Variants in SELENOS observed in about 807,000 individuals in gnomAD.
SELENOS encodes the protein VCP interacting membrane selenoprotein.
Under a neutral mutation model 30.2 loss-of-function variants are expected in SELENOS, and 37 were observed. The ratio of observed to expected loss-of-function variants is 1.23; its 90% CI spans 0.94 to 1.61. The LOEUF (loss-of-function observed/expected upper bound fraction) is 1.61, where lower values mean the gene tolerates loss of function less well. Among genes scored for constraint, SELENOS ranks in the 40% most tolerant of loss-of-function variants. The pLI is 0.00. For missense variants in SELENOS, 289 were observed against 231.8 expected (o/e 1.25, Z -1.60); for synonymous variants, 119 against 91.6 (o/e 1.30, Z -1.71).
intron 2 of SELENOS, among the ~76,000 whole-genome samples, chr15:101,275,971 G>C (rs2039322008): frequency 6.6e-6 from 1 of 150,476 alleles, no homozygotes; most frequent in Admixed American, 6.6e-5. Flanking sequence ...GCCCAGGCTG[G>C]AGTGCAGTGG....
chr15:101,276,215 G>A lies in SELENOS; in HGVS notation c.211+326C>T, dbSNP rs188354287. On this transcript the variant is annotated intron_variant, in intron 2 of 5. Coordinates refer to ENST00000526049, the MANE Select transcript of SELENOS (RefSeq NM_018445.6). The stretch of plus-strand genomic sequence containing the variant: ...TGGGATTACAGGTGTGAGCCACCGC[G>A]CCCCACCGAGAACCATATACTTCCT... Among the ~76,000 whole-genome samples the A allele has an allele frequency of 1.8e-4, 20 of 111,402 alleles. 1 individual carries two copies. In the East Asian group the frequency reaches 4.5e-3, roughly 25 times the overall value. 73.1% of individuals were successfully genotyped at this position (111,402 alleles called of 152,430 possible).
chr15:101,271,809 A>C (rs1308329435), downstream of SELENOS, among the ~76,000 whole-genome samples: 4 of 152,252 alleles, frequency 2.6e-5, no homozygotes, highest in Non-Finnish European at 5.9e-5. Context: ...ATGAGCAGAG[A>C]ATCTTTTTTA....
Position 101,277,401 on chromosome 15 carries a change from T to A in SELENOS, c.17A>T (p.Glu6Val). 2.0e-6 allele frequency: 3 copies of A among 1,491,730 alleles called. No individual in the cohort carries two copies. The highest frequency in any genetic ancestry group is 2.7e-6 in the Non-Finnish European group (3 of 1,128,466). The allele number at this position is 1,491,730 out of a possible 1,614,324, so 92.4% of individuals were successfully genotyped here. ...CAGGGCCGGCCGCGCGGACAGAGAC[T>A]CCTCTTGGCGTTCCATGACCGCCGC... MERQE[E>V]SLSARPALET... is the part of the protein sequence containing the mutation. Residue 6 changes from glutamate (E) to valine (V), a missense_variant, in exon 1 of 6, where the codon GAG becomes GTG. Glu to Val is a moderately radical substitution (Grantham distance 121). Transcript: ENST00000526049.
At chr15:101,273,829 T>C (rs2039295200) in intron 5 of SELENOS, among the ~76,000 whole-genome samples, 1 of 152,236 alleles carries the variant, frequency 6.6e-6, no homozygotes, top group Non-Finnish European at 1.5e-5. Context: ...CTATGGAGGA[T>C]ACAAAATCTT....
At chr15:101,275,527 CA>C (rs5815005) in intron 2 of SELENOS, among the ~76,000 whole-genome samples, 166 bp from the exon 3 acceptor site, 12,062 of 152,160 alleles carry the variant, frequency 0.079, 1,472 homozygotes, top group African/African-American at 0.27. Flanking sequence ...TTTACTGCTT[CA>C]GGGGGCAGGG....
Position 101,274,817 on chromosome 15 carries a change from T to C in SELENOS, c.319-136A>G, listed in dbSNP as rs562748057. The C allele has an allele frequency of 1.3e-3, 1,247 of 928,676 alleles. 4 individuals carry two copies. Among genetic ancestry groups the C allele is most frequent in the Middle Eastern group, 3.4e-3 (11 of 3,196 alleles). The allele number at this position is 928,676 out of a possible 1,614,324, so 57.5% of individuals were successfully genotyped here. A position where few individuals can be genotyped will look rare whatever the true frequency, so the allele number is the denominator to read the frequency against. On this transcript the variant is annotated intron_variant, in intron 3 of 5. Coordinates refer to ENST00000526049, the MANE Select transcript of SELENOS (RefSeq NM_018445.6). ...CCTCGTTTTCTTTAGTTAATAAAAC[T>C]GTTGTGATCTGGTAGTGTGAGTTTA...
At chr15:101,277,047 C>A in intron 1 of SELENOS, 1 of 606,416 alleles carries the variant, frequency 1.6e-6, no homozygotes, top group South Asian at 1.8e-5. Flanking sequence ...TGGGACGGGT[C>A]CCAGAGGCAA....
At chr15:101,273,994 C>CTGCTG (rs2039296578) in intron 5 of SELENOS, among the ~76,000 whole-genome samples, 1 of 152,254 alleles carries the variant, frequency 6.6e-6, no homozygotes, top group Non-Finnish European at 1.5e-5. Context: ...TGAAGACAGA[C>CTGCTG]TGCTGTGGCA....
chr15:101,274,809 A>C, intron 3 of SELENOS, 128 bp from the exon 4 acceptor site: 1 of 1,017,032 alleles, frequency 9.8e-7, no homozygotes, highest in Non-Finnish European at 1.4e-6. Context: ...TTCTTTAGTT[A>C]ATAAAACTGT....
chr15:101,277,177 G>A (rs1346532157), intron 1 of SELENOS, 165 bp downstream of exon 1: 4 of 1,222,350 alleles, frequency 3.3e-6, no homozygotes, highest in Non-Finnish European at 4.6e-6. Context: ...AGAAGCCTCC[G>A]CGCAAGGTCC....
rs754797542 is a variant in SELENOS, at chr15:101,274,617, TA to T, written c.382del (p.Tyr128ThrfsTer22). The T allele has an allele frequency of 1.2e-6, 2 of 1,613,748 alleles. No individual in the cohort carries two copies. Among genetic ancestry groups the T allele is most frequent in the South Asian group, 1.1e-5 (1 of 90,990 alleles). On this transcript the variant is annotated frameshift_variant, in exon 4 of 6. Coordinates refer to ENST00000526049, the MANE Select transcript of SELENOS (RefSeq NM_018445.6). LOFTEE classifies it high-confidence loss of function. ...MWDSMQEGKS[Y>X]KGNAKKPQEE... is the part of the protein sequence containing the mutation. ...CTGGGGCTTCTTTGCATTTCCTTTG[TA>T]ACTTTTTCCTTCTTGCATGCTGTCC...
Position 101,275,095 on chromosome 15 carries a change from A to G in SELENOS, c.318+160T>C, listed in dbSNP as rs117439319. The G allele has an allele frequency of 3.9e-3, 2,389 of 619,096 alleles. 9 individuals are homozygous for G. Among genetic ancestry groups the G allele is most frequent in the Non-Finnish European group, 5.4e-3 (1,949 of 361,450 alleles). 38.4% of individuals were successfully genotyped at this position (619,096 alleles called of 1,614,324 possible). A position where few individuals can be genotyped will look rare whatever the true frequency, so the allele number is the denominator to read the frequency against. The stretch of plus-strand genomic sequence containing the variant: ...CCCTAACAATCGTGTATTCTTCTTG[A>G]TATCACCAATACTTACATGGTAGGA... On this transcript the variant is annotated intron_variant, in intron 3 of 5. Transcript: ENST00000526049.
In SELENOS at chr15:101,272,743, A is replaced by C. The variant is rs748537170; in HGVS notation, c.*28T>G. ...TCGAGGGTTAAGGGTTCATCTTGCT[A>C]ATGTCAAAAGTGACACTAACAAGAT... On this transcript the variant is annotated 3_prime_UTR_variant, in exon 6 of 6. Coordinates refer to ENST00000526049, the MANE Select transcript of SELENOS (RefSeq NM_018445.6). 26 of 1,585,264 alleles carry C rather than the reference A, an allele frequency of 1.6e-5. No individual in the cohort carries two copies. The highest frequency in any genetic ancestry group is 2.2e-5 in the Non-Finnish European group (26 of 1,164,906).
At chr15:101,272,922 T>A (rs1270728543) in intron 5 of SELENOS, 66 bp from the exon 6 acceptor site, 7 of 1,408,882 alleles carry the variant, frequency 5.0e-6, no homozygotes, top group Admixed American at 2.0e-5. Flanking sequence ...ACATTGTATA[T>A]CCACAATAAA....
Position 101,274,238 on chromosome 15 carries a change from C to T in SELENOS, c.484+182G>A, listed in dbSNP as rs1238170504. 4 of 685,070 alleles carry T rather than the reference C, an allele frequency of 5.8e-6. No homozygotes were observed. The East Asian group carries it at 8.1e-5, about 14-fold the overall frequency. 42.4% of individuals were successfully genotyped at this position (685,070 alleles called of 1,614,324 possible). A position where few individuals can be genotyped will look rare whatever the true frequency, so the allele number is the denominator to read the frequency against. ...AAGTTAGAATACTATAAGTACAATCCTTCTAAGTACTTAGTGAGGACCTAG... is the reference window on the plus strand; with the variant it reads ...AAGTTAGAATACTATAAGTACAATCTTTCTAAGTACTTAGTGAGGACCTAG... On this transcript the variant is annotated intron_variant, in intron 5 of 5. Transcript: ENST00000526049.
intron 2 of SELENOS, among the ~76,000 whole-genome samples, 176 bp from the exon 3 acceptor site, chr15:101,275,537 G>A (rs2039316844): frequency 6.6e-6 from 1 of 152,112 alleles, no homozygotes; most frequent in Admixed American, 6.5e-5. Flanking sequence ...CAGGGGGCAG[G>A]GGTCTGTTGC....
intron 2 of SELENOS, among the ~76,000 whole-genome samples, chr15:101,275,816 A>T (rs2039319619): frequency 6.6e-6 from 1 of 152,026 alleles, no homozygotes. Flanking sequence ...GAAAAGAAAA[A>T]TCCTTCCAAA....
intron 1 of SELENOS, chr15:101,276,997 G>A: frequency 3.7e-6 from 2 of 536,804 alleles, no homozygotes; most frequent in Non-Finnish European, 6.7e-6. Context: ...CATAGAAAGG[G>A]GTGACAGCGC....
Position 101,274,697 on chromosome 15 carries a change from AT to A in SELENOS, c.319-17del. 6.2e-7 allele frequency: 1 copy of A among 1,602,756 alleles called. No homozygotes were observed. ...CTTCTTCAAGCTGAGAAACAATCAC[AT>A]TTTACAGAAAGAATTCAGAAGCTGC... On this transcript the variant is annotated splice_polypyrimidine_tract_variant and intron_variant, in intron 3 of 5. Coordinates refer to ENST00000526049, the MANE Select transcript of SELENOS (RefSeq NM_018445.6).
Sources: gnomAD v4.1 joint callset for allele counts (sites outside exome capture counted in the v4.1 genomes callset) on GRCh38, gnomAD v4.1.1 for gene constraint, MANE v1.5 for transcripts, NCBI Gene and HGNC (gene_info 2026-07-23, HGNC 2026-07-21) for gene names.